The following EBF4 variants were observed in gnomAD, a reference collection of about 807,000 sequenced individuals.
EBF4 encodes EBF transcription factor 4, also known as transcription factor COE4.
A neutral mutation model predicts 67.1 loss-of-function variants in EBF4; 34 were observed. That is an observed-to-expected ratio of 0.51 (90% CI 0.39 to 0.67). The LOEUF (loss-of-function observed/expected upper bound fraction) is 0.67. Among genes scored for constraint, EBF4 ranks in the 30% least tolerant of loss-of-function variants. The pLI is 0.00. For missense variants in EBF4, 837 were observed against 873.3 expected, an observed-to-expected ratio of 0.96 and a Z score of 0.52; for synonymous variants, 387 against 377.7, an observed-to-expected ratio of 1.02 and a Z score of -0.29.
intron 6 of EBF4, among the ~76,000 whole-genome samples, chr20:2,737,570 T>A (rs1217432337): frequency 6.6e-6 from 1 of 152,032 alleles, no homozygotes; most frequent in East Asian, 1.9e-4. Flanking sequence ...TAGGATGTAT[T>A]CATGCAGTGC....
At chr20:2,695,322 G>A (rs1002328172) in intron 1 of EBF4, among the ~76,000 whole-genome samples, 2 of 152,128 alleles carry the variant, frequency 1.3e-5, no homozygotes, top group Non-Finnish European at 2.9e-5. Flanking sequence ...GGAAGCAGAC[G>A]TGAAGGAGGC....
rs2088038077 is a variant in EBF4, at chr20:2,745,593, A to C, written c.558-2956A>C. Among the ~76,000 whole-genome samples, 1 of 152,174 alleles carries C rather than the reference A, an allele frequency of 6.6e-6. No homozygotes were observed. The highest frequency in any genetic ancestry group is 2.4e-5 in the African/African-American group (1 of 41,430). On this transcript the variant is annotated intron_variant, in intron 6 of 16. Coordinates refer to ENST00000609451, the Ensembl canonical transcript of EBF4. This position sits in a 1 kb window ranked among gnomAD's most constrained non-coding sequence, Gnocchi z 5.2. ...TGGTGTGGACCCAAAGGACAAATGAAACCTGTACTGTAAAGGGACAGTGGC... is the reference window on the plus strand; with the variant it reads ...TGGTGTGGACCCAAAGGACAAATGACACCTGTACTGTAAAGGGACAGTGGC...
intron 6 of EBF4, among the ~76,000 whole-genome samples, chr20:2,738,408 T>C (rs746747276): frequency 1.3e-5 from 2 of 151,936 alleles, no homozygotes; most frequent in Non-Finnish European, 2.9e-5. Flanking sequence ...TCTCTATCTC[T>C]CCTTCTCTTC....
chr20:2,742,137 A>T (rs2146477310), intron 6 of EBF4, among the ~76,000 whole-genome samples: 1 of 152,278 alleles, frequency 6.6e-6, no homozygotes, highest in East Asian at 1.9e-4. Context: ...ACTTAGAAGG[A>T]CTTCTAGGAC....
chr20:2,723,500 C>T (rs916984996), intron 6 of EBF4, among the ~76,000 whole-genome samples: 2 of 148,296 alleles, frequency 1.3e-5, no homozygotes. Context: ...ACAGGCGCCG[C>T]CACCACGCCC....
chr20:2,709,495 GC>G, intron 5 of EBF4, 78 bp from the exon 6 acceptor site: 6 of 1,355,440 alleles, frequency 4.4e-6, no homozygotes, highest in East Asian at 2.7e-5. Context: ...AGCTCAGGGC[GC>G]CCCCCACAAC....
Position 2,747,265 on chromosome 20 carries a change from C to T in EBF4, c.558-1284C>T, listed in dbSNP as rs1445898418. Among the ~76,000 whole-genome samples the T allele has an allele frequency of 2.0e-5, 3 of 148,676 alleles. No individual in the cohort carries two copies. The East Asian group carries it at 5.9e-4, about 29-fold the overall frequency. On this transcript the variant is annotated intron_variant, in intron 6 of 16. Transcript: ENST00000609451. The surrounding 1 kb of genome is among the most constrained non-coding windows in gnomAD (Gnocchi z 4.6). ...AGGTGGAGGTTGCAGTGAGACATGG[C>T]GAGCCTGGGCAACAGAGCAAGACTC...
chr20:2,702,222 C>T (rs942934360), intron 1 of EBF4, among the ~76,000 whole-genome samples: 1 of 152,022 alleles, frequency 6.6e-6, no homozygotes, highest in African/African-American at 2.4e-5. Context: ...TCGCTTGAGC[C>T]CAGGAGTTCA....
Position 2,737,143 on chromosome 20 carries a change from G to A in EBF4, c.558-11406G>A, listed in dbSNP as rs374957346. 5.4e-3 allele frequency among the ~76,000 whole-genome samples: 815 copies of A among 151,782 alleles called. 8 individuals carry two copies. Among genetic ancestry groups the A allele is most frequent in the African/African-American group, 0.018 (759 of 41,340 alleles). On this transcript the variant is annotated intron_variant, in intron 6 of 16. Transcript: ENST00000609451. ...CGGGCGCCTGTAGTCCCAGCTACTC[G>A]GGAGGCTGAGGCAGGAGAATGGCGT...
chr20:2,692,904 C>A (rs2087226963), upstream of EBF4: 2 of 145,318 alleles, frequency 1.4e-5, no homozygotes, highest in Admixed American at 6.8e-5. The surrounding 1 kb of genome is among the most constrained non-coding windows in gnomAD (Gnocchi z 6.4). Flanking sequence ...GGCGCGGGAA[C>A]CGGGCCCCGG....
In EBF4 at chr20:2,745,896, T is replaced by A. The variant is rs765688662; in HGVS notation, c.558-2653T>A. 1.3e-5 allele frequency among the ~76,000 whole-genome samples: 2 copies of A among 152,170 alleles called. No homozygotes were observed. The highest frequency in any genetic ancestry group is 2.9e-5 in the Non-Finnish European group (2 of 68,026). ...TGGAGTGGGGTGCAGTGGGCACATG[T>A]GTCATCTTTTGGTGCAGTCCTATGC... is the stretch of plus-strand genomic sequence containing the variant. On this transcript the variant is annotated intron_variant, in intron 6 of 16. Transcript: ENST00000609451. This position sits in a 1 kb window ranked among gnomAD's most constrained non-coding sequence, Gnocchi z 5.2.
chr20:2,736,995 A>G (rs989856500), intron 6 of EBF4, among the ~76,000 whole-genome samples: 4 of 151,988 alleles, frequency 2.6e-5, no homozygotes, highest in Non-Finnish European at 5.9e-5. Flanking sequence ...CACGCTTGTA[A>G]TCCCAGCACT....
downstream of EBF4, chr20:2,759,488 C>T: frequency 5.3e-6 from 1 of 189,048 alleles, no homozygotes; most frequent in Non-Finnish European, 1.1e-5. Context: ...AGCCCCAGCA[C>T]TGTGCAGATG....
At chr20:2,749,695 G>T in exon 9 of EBF4, 1 of 1,563,430 alleles carries the variant, frequency 6.4e-7, no homozygotes, top group Non-Finnish European at 8.7e-7. Context: ...ATTGTCATCG[G>T]CGACAACTTC....
rs1393563562 is a variant in EBF4 at position 2,751,959 on chromosome 20, C to T, written c.1145C>T (p.Ala382Val). The change falls in exon 12 of 17, where the codon GCC (alanine) becomes GTC (valine). Residue 382 changes from alanine (A) to valine (V), a missense_variant. Around this residue, in one of 3 missense-constraint regions of EBF4, gnomAD observed 525 missense variants for 496.5 expected, o/e 1.06. Coordinates refer to ENST00000609451, the Ensembl canonical transcript of EBF4. This position sits in a 1 kb window ranked among gnomAD's most constrained non-coding sequence, Gnocchi z 5.2. ...AAGCGGGCGGCCGACTTGGCAGAAG[C>T]CCTGTACGGAGTGCCCGGCAGTAAC... 3 of 1,548,856 alleles carry T rather than the reference C, an allele frequency of 1.9e-6. No homozygotes were observed. Among genetic ancestry groups the T allele is most frequent in the Non-Finnish European group, 2.6e-6 (3 of 1,146,770 alleles).
At chr20:2,697,848 G>T (rs1233239435) in intron 1 of EBF4, among the ~76,000 whole-genome samples, 1 of 152,234 alleles carries the variant, frequency 6.6e-6, no homozygotes, top group Non-Finnish European at 1.5e-5. Context: ...GTGCTTCCCA[G>T]TCTGGGGAGA....
exon 14 of EBF4, chr20:2,752,447 C>A: frequency 3.9e-6 from 5 of 1,275,318 alleles, no homozygotes; most frequent in African/African-American, 1.5e-5. Flanking sequence ...GGCCTCGGAG[C>A]TGGCCTGGGC....
chr20:2,734,451 C>G (rs972861599), intron 6 of EBF4, among the ~76,000 whole-genome samples: 1 of 152,142 alleles, frequency 6.6e-6, no homozygotes, highest in African/African-American at 2.4e-5. Context: ...AAATTCTAAC[C>G]TCTGGGCTTC....
chr20:2,725,186 C>T (rs2087731954), intron 6 of EBF4, among the ~76,000 whole-genome samples: 1 of 152,154 alleles, frequency 6.6e-6, no homozygotes, highest in South Asian at 2.1e-4. Context: ...CTCCAAAGAA[C>T]ACTCCAATTT....
Sources: gnomAD v4.1 joint callset for allele counts (sites outside exome capture counted in the v4.1 genomes callset) on GRCh38, gnomAD v4.1.1 for gene constraint, gnomAD v4.1.1 regional missense constraint, Gnocchi (gnomAD v3.1) non-coding constraint, MANE v1.5 for transcripts, NCBI Gene and HGNC (gene_info 2026-07-23, HGNC 2026-07-21) for gene names.